Variants in DTL observed in about 807,000 individuals in gnomAD.
DTL encodes denticleless E3 ubiquitin protein ligase adapter, also known as denticleless protein homolog.
DTL carries 46 observed loss-of-function variants against 87.0 expected under a neutral mutation model. That is an observed-to-expected ratio of 0.53 (90% CI 0.42 to 0.68). The LOEUF is 0.68. Ranked by LOEUF, DTL falls within the 30% of genes least tolerant of loss-of-function variation. The probability of loss-of-function intolerance (pLI) is 0.00; values close to 1 mark genes in which losing one functional copy is unlikely to be tolerated. For synonymous variants in DTL, 308 were observed against 311.2 expected, an observed-to-expected ratio of 0.99 and a Z score of 0.11; for missense variants, 737 against 869.4, an observed-to-expected ratio of 0.85 and a Z score of 1.91.
Position 212,080,803 on chromosome 1 carries a change from G to A in DTL, c.1261+53G>A, listed in dbSNP as rs1047245181. 87 of 1,583,834 alleles carry A rather than the reference G, an allele frequency of 5.5e-5. 1 individual carries two copies. In the Admixed American group the frequency reaches 9.1e-4, roughly 17 times the overall value. ...TTTTATGGTTTGACTAGTTTAGTCC[G>A]ACAGTACAGAGTAATAAGCTAGATT... On this transcript the variant is annotated intron_variant, in intron 13 of 14. Transcript: ENST00000366991.
At chr1:212,056,804 T>C (rs1330977510) in intron 5 of DTL, among the ~76,000 whole-genome samples, 2 of 151,990 alleles carry the variant, frequency 1.3e-5, no homozygotes, top group Non-Finnish European at 1.5e-5. Flanking sequence ...TATCATAAAA[T>C]AGAGCTAAAT....
chr1:212,098,183 A>C (rs2102586313), intron 13 of DTL, among the ~76,000 whole-genome samples: 1 of 152,170 alleles, frequency 6.6e-6, no homozygotes, highest in South Asian at 2.1e-4. Context: ...TATTTAGTGT[A>C]CTGGTTGTCT....
intron 1 of DTL, among the ~76,000 whole-genome samples, chr1:212,036,243 T>G (rs1667453229): frequency 6.6e-6 from 1 of 152,106 alleles, no homozygotes; most frequent in Non-Finnish European, 1.5e-5. Flanking sequence ...ATGCATGCAT[T>G]TGTGTGTATA....
At chr1:212,072,980 T>A (rs765557573) in intron 11 of DTL, among the ~76,000 whole-genome samples, 3 of 152,150 alleles carry the variant, frequency 2.0e-5, no homozygotes, top group Non-Finnish European at 4.4e-5. Flanking sequence ...TTAGCCAGGA[T>A]GGTCTCGATC....
chr1:212,055,311 C>G (rs3010015), intron 5 of DTL, among the ~76,000 whole-genome samples: 6,592 of 152,178 alleles, frequency 0.043, 193 homozygotes, highest in African/African-American at 0.074. Context: ...TGGGAGACCC[C>G]TTGATGCTCA....
intron 1 of DTL, among the ~76,000 whole-genome samples, chr1:212,041,130 A>G (rs118133265): frequency 1.3e-5 from 2 of 152,332 alleles, no homozygotes; most frequent in East Asian, 1.9e-4. Flanking sequence ...TTTCATGTTC[A>G]TAACACAATA....
rs182115943 is a variant in DTL at position 212,055,904 on chromosome 1, G to A, written c.461-6980G>A. Reference sequence around the variant, plus strand: ...TCAGTTCATCACCAGTGGTGCCTGAGCACTCCTCCTAGAGTCTAAACTTGG... The same window carrying A: ...TCAGTTCATCACCAGTGGTGCCTGAACACTCCTCCTAGAGTCTAAACTTGG... On this transcript the variant is annotated intron_variant, in intron 5 of 14. Coordinates refer to ENST00000366991, the MANE Select transcript of DTL (RefSeq NM_016448.4). 3.3e-4 allele frequency among the ~76,000 whole-genome samples: 51 copies of A among 152,296 alleles called. No homozygotes were observed. In the East Asian group the frequency reaches 8.5e-3, roughly 25 times the overall value.
At chr1:212,063,153 C>T (rs565030962) in intron 6 of DTL, among the ~76,000 whole-genome samples, 57 of 152,192 alleles carry the variant, frequency 3.7e-4, no homozygotes, top group African/African-American at 1.3e-3. Context: ...AAGTATTACA[C>T]TCATGTATTT....
In DTL at chr1:212,104,272, G is replaced by T. The variant is rs199865863; in HGVS notation, c.*1332G>T. Reference sequence around the variant, plus strand: ...CTGTGTAGACTTTATGTCAGTTTTTGTCATTATTTGAAAATCTATTCTGAC... The same window carrying T: ...CTGTGTAGACTTTATGTCAGTTTTTTTCATTATTTGAAAATCTATTCTGAC... On this transcript the variant is annotated 3_prime_UTR_variant, in exon 15 of 15. Coordinates refer to ENST00000366991, the MANE Select transcript of DTL (RefSeq NM_016448.4). The T allele has an allele frequency of 5.9e-4, 4 of 6,772 alleles. No individual in the cohort carries two copies. Among genetic ancestry groups the T allele is most frequent in the Non-Finnish European group, 2.0e-3 (4 of 2,010 alleles). 0.4% of individuals were successfully genotyped at this position (6,772 alleles called of 1,614,324 possible). A position where few individuals can be genotyped will look rare whatever the true frequency, so the allele number is the denominator to read the frequency against.
chr1:212,045,476 A>ATGTT (rs1277257618), intron 3 of DTL, among the ~76,000 whole-genome samples: 1 of 152,220 alleles, frequency 6.6e-6, no homozygotes, highest in Non-Finnish European at 1.5e-5. Flanking sequence ...AGCATTTTTC[A>ATGTT]TGTTTAAAGC....
At chr1:212,063,920 TCTCA>T (rs1654413511) in intron 6 of DTL, among the ~76,000 whole-genome samples, 1 of 142,684 alleles carries the variant, frequency 7.0e-6, no homozygotes, top group African/African-American at 2.6e-5. Context: ...GGAGACGGAG[TCTCA>T]CTCTGTCACC....
At chr1:212,063,622 A>T (rs1423042905) in intron 6 of DTL, among the ~76,000 whole-genome samples, 2 of 152,164 alleles carry the variant, frequency 1.3e-5, no homozygotes, top group Admixed American at 1.3e-4. Flanking sequence ...AATTAAACAT[A>T]AGCTCATGGT....
intron 2 of DTL, 41 bp from the exon 3 acceptor site, chr1:212,044,617 AAT>A: frequency 1.5e-6 from 2 of 1,298,652 alleles, no homozygotes; most frequent in Non-Finnish European, 1.1e-6. Flanking sequence ...AAAAAAAAAA[AAT>A]TGTGTTACTC....
At chr1:212,036,056 C>G in intron 1 of DTL, 114 bp downstream of exon 1, 7 of 998,370 alleles carry the variant, frequency 7.0e-6, no homozygotes, top group Non-Finnish European at 1.1e-5. Context: ...TGAGTTCTCC[C>G]ATGGCAAGGG....
At chr1:212,077,640 T>A (rs902818587) in intron 11 of DTL, 3 of 153,752 alleles carry the variant, frequency 2.0e-5, no homozygotes, top group Non-Finnish European at 4.4e-5. Flanking sequence ...AAGAGGACGG[T>A]CTTCTTTTGG....
At chr1:212,038,884 T>C (rs1667561273) in intron 1 of DTL, among the ~76,000 whole-genome samples, 1 of 152,216 alleles carries the variant, frequency 6.6e-6, no homozygotes, top group Non-Finnish European at 1.5e-5. Context: ...ATCACTCCTT[T>C]AAGTGTATCT....
intron 13 of DTL, among the ~76,000 whole-genome samples, chr1:212,087,953 G>C (rs749317270): frequency 6.6e-6 from 1 of 151,354 alleles, no homozygotes; most frequent in Non-Finnish European, 1.5e-5. Context: ...ACCTTTCCCA[G>C]CCGGCACCTG....
Position 212,080,757 on chromosome 1 carries a change from A to G in DTL, c.1261+7A>G. On this transcript the variant is annotated splice_region_variant and intron_variant, in intron 13 of 14. Transcript: ENST00000366991. ...GAGTCAAGACCTGGCCTAGGTAAGG[A>G]TATCATATACTTTCCAAGTTTTTTA... 1.2e-6 allele frequency: 2 copies of G among 1,613,090 alleles called. No individual in the cohort carries two copies. Among genetic ancestry groups the G allele is most frequent in the Non-Finnish European group, 1.7e-6 (2 of 1,179,342 alleles).
intron 8 of DTL, among the ~76,000 whole-genome samples, chr1:212,067,423 CTTG>C (rs1332783562): frequency 1.3e-5 from 2 of 152,134 alleles, no homozygotes; most frequent in African/African-American, 4.8e-5. Context: ...CTCTGTGATG[CTTG>C]TTGATTGTGT....
Sources: allele counts gnomAD v4.1 joint callset (sites outside exome capture counted in the v4.1 genomes callset), GRCh38; gene constraint gnomAD v4.1.1; transcripts MANE v1.5; gene names NCBI Gene and HGNC (gene_info 2026-07-23, HGNC 2026-07-21).